Variants in MYCN observed in about 807,000 individuals in gnomAD.
MYCN encodes MYCN proto-oncogene, bHLH transcription factor.
In MYCN, 3 loss-of-function variants were observed where a neutral mutation model predicts 28.1. The observed-to-expected ratio is 0.11, with a 90% CI of 0.05 to 0.28. The LOEUF is 0.28. MYCN is among the 10% of genes least tolerant of loss of function. MYCN has a pLI of 1.00. For missense variants in MYCN, 572 were observed against 651.4 expected, an observed-to-expected ratio of 0.88 and a Z score of 1.33; for synonymous variants, 326 against 288.3, an observed-to-expected ratio of 1.13 and a Z score of -1.32.
rs986461561 is a variant in MYCN at position 15,941,357 on chromosome 2, G to C, written c.-117-591G>C. The C allele has an allele frequency of 2.6e-5, 4 of 152,650 alleles. No homozygotes were observed. Among genetic ancestry groups the C allele is most frequent in the African/African-American group, 7.2e-5 (3 of 41,486 alleles). 9.5% of individuals were successfully genotyped at this position (152,650 alleles called of 1,614,324 possible). Reference sequence around the variant, plus strand: ...AGTATCCCTGCAGCGGGTGAATGCCGAGGGGCGTTTGCTCAAATTTGGGGA... The same window carrying C: ...AGTATCCCTGCAGCGGGTGAATGCCCAGGGGCGTTTGCTCAAATTTGGGGA... On this transcript the variant is annotated intron_variant, in intron 1 of 2. Transcript: ENST00000281043. This position sits in a 1 kb window ranked among gnomAD's most constrained non-coding sequence, Gnocchi z 4.8.
In MYCN at chr2:15,942,875, C is replaced by A; in HGVS notation, c.790+21C>A. ...TTCAGGTAAAGACCGAACTCGGGTC[C>A]GGCTGCCTCCCTGGGGCACTGGACC... On this transcript the variant is annotated intron_variant, in intron 2 of 2. Transcript: ENST00000281043. This position sits in a 1 kb window ranked among gnomAD's most constrained non-coding sequence, Gnocchi z 7.0. 1 of 1,571,848 alleles carries A rather than the reference C, an allele frequency of 6.4e-7. No individual in the cohort carries two copies. The highest frequency in any genetic ancestry group is 8.6e-7 in the Non-Finnish European group (1 of 1,164,922).
At chr2:15,940,765 C>G (rs1662619960) in intron 1 of MYCN, 22 bp downstream of exon 1, 2 of 260,334 alleles carry the variant, frequency 7.7e-6, no homozygotes, top group East Asian at 6.3e-5. Flanking sequence ...GGCTTGCAAA[C>G]CGCCCGGCGC....
intron 2 of MYCN, among the ~76,000 whole-genome samples, chr2:15,944,308 G>A (rs1662800137): frequency 6.6e-6 from 1 of 152,154 alleles, no homozygotes; most frequent in Non-Finnish European, 1.5e-5. Flanking sequence ...CAGCGTGGTA[G>A]TCAATGAGGA....
rs1033331701 is a variant in MYCN at position 15,946,574 on chromosome 2, T to C, written c.*477T>C. 2 of 327,260 alleles carry C rather than the reference T, an allele frequency of 6.1e-6. No homozygotes were observed. Among genetic ancestry groups the C allele is most frequent in the Non-Finnish European group, 1.1e-5 (2 of 174,340 alleles). 20.3% of individuals were successfully genotyped at this position (327,260 alleles called of 1,614,324 possible). On this transcript the variant is annotated 3_prime_UTR_variant, in exon 3 of 3. Coordinates refer to ENST00000281043, the MANE Select transcript of MYCN (RefSeq NM_005378.6). ...GTGGCTTTTGCGGCCAGTATTAGAC[T>C]GGAAGTTCATACCTAAGTACTGTAA...
intron 2 of MYCN, among the ~76,000 whole-genome samples, chr2:15,943,679 C>G (rs1230401004): frequency 1.3e-5 from 2 of 152,174 alleles, no homozygotes; most frequent in African/African-American, 4.8e-5. Context: ...GCCTGAATTC[C>G]AGGCCTAATT....
Position 15,941,540 on chromosome 2 carries a change from G to A in MYCN, c.-117-408G>A. The A allele has an allele frequency of 5.1e-6, 1 of 196,334 alleles. No individual in the cohort carries two copies. Among genetic ancestry groups the A allele is most frequent in the South Asian group, 1.3e-4 (1 of 7,668 alleles). The allele number at this position is 196,334 out of a possible 1,614,324, so 12.2% of individuals were successfully genotyped here. On this transcript the variant is annotated intron_variant, in intron 1 of 2. Transcript: ENST00000281043. The surrounding 1 kb of genome is among the most constrained non-coding windows in gnomAD (Gnocchi z 4.8). ...GAAGGTACTCCAAATACCATTCCCG[G>A]TAGCTGGGTCGGAGAGCCTGGGGCT...
Position 15,942,960 on chromosome 2 carries a change from C to A in MYCN, c.790+106C>A. 1 of 1,393,698 alleles carries A rather than the reference C, an allele frequency of 7.2e-7. No homozygotes were observed. 86.3% of individuals were successfully genotyped at this position (1,393,698 alleles called of 1,614,324 possible). On this transcript the variant is annotated intron_variant, in intron 2 of 2. Transcript: ENST00000281043. This position sits in a 1 kb window ranked among gnomAD's most constrained non-coding sequence, Gnocchi z 7.0. ...CTTGGCCTGGGGAGCATTTTGGAGG[C>A]AGTGCTAGGGGCAGAGAGGTCCTGT... is the stretch of plus-strand genomic sequence containing the variant.
chr2:15,943,142 T>C (rs988326006), intron 2 of MYCN, among the ~76,000 whole-genome samples: 2 of 152,128 alleles, frequency 1.3e-5, no homozygotes, highest in African/African-American at 4.8e-5. Context: ...GTCCCCCACC[T>C]CTCTTTTGCA....
At chr2:15,943,004 C>T in intron 2 of MYCN, 150 bp downstream of exon 2, 1 of 1,055,950 alleles carries the variant, frequency 9.5e-7, no homozygotes, top group Non-Finnish European at 1.3e-6. Context: ...AGTCTCTCCT[C>T]GGGGTAAAGA....
chr2:15,943,251 G>T (rs1165156265), intron 2 of MYCN, among the ~76,000 whole-genome samples: 11 of 152,148 alleles, frequency 7.2e-5, no homozygotes. Context: ...ACCTGTTAGC[G>T]CAGGGGTGAA....
In MYCN at chr2:15,942,480, GGCC is replaced by G; in HGVS notation, c.420_422del (p.Pro141del). The G allele has an allele frequency of 6.4e-7, 1 of 1,562,524 alleles. No homozygotes were observed. Among genetic ancestry groups the G allele is most frequent in the Non-Finnish European group, 8.6e-7 (1 of 1,160,074 alleles). On this transcript the variant is annotated inframe_deletion, in exon 2 of 3. Transcript: ENST00000281043. The surrounding 1 kb of genome is among the most constrained non-coding windows in gnomAD (Gnocchi z 7.0). ...AGCGAGAAGCTGCAGCACGGCCGCG[GGCC>G]GCCAACCGCCGGTTCCACCGCCCAG...
Position 15,945,920 on chromosome 2 carries a change from C to T in MYCN, c.1218C>T (p.Asp406=). 6.2e-7 allele frequency: 1 copy of T among 1,614,134 alleles called. No individual in the cohort carries two copies. Among genetic ancestry groups the T allele is most frequent in the South Asian group, 1.1e-5 (1 of 91,080 alleles). ...DLRSSFLTLR[D]HVPELVKNEK... ...GGTCCAGCTTTCTCACGCTCAGGGACCACGTGCCGGAGTTGGTAAAGAATG... is the reference window on the plus strand; with the variant it reads ...GGTCCAGCTTTCTCACGCTCAGGGATCACGTGCCGGAGTTGGTAAAGAATG... Residue 406 remains aspartate (D), a synonymous_variant, in exon 3 of 3, where the codon GAC becomes GAT. Transcript: ENST00000281043. The surrounding 1 kb of genome is among the most constrained non-coding windows in gnomAD (Gnocchi z 4.8).
In MYCN at chr2:15,945,292, G is replaced by A. The variant is rs555381582; in HGVS notation, c.791-201G>A. Among the ~76,000 whole-genome samples, 6 of 152,164 alleles carry A rather than the reference G, an allele frequency of 3.9e-5. No individual in the cohort carries two copies. Among genetic ancestry groups the A allele is most frequent in the South Asian group, 2.1e-4 (1 of 4,804 alleles). On this transcript the variant is annotated intron_variant, in intron 2 of 2. Transcript: ENST00000281043. This position sits in a 1 kb window ranked among gnomAD's most constrained non-coding sequence, Gnocchi z 4.8. The stretch of plus-strand genomic sequence containing the variant: ...TGGGATTACAGGTGTGAGTCACCGC[G>A]TCCGGCCTACAGATATATTTAATTT...
Position 15,942,915 on chromosome 2 carries a change from C to T in MYCN, c.790+61C>T. On this transcript the variant is annotated intron_variant, in intron 2 of 2. Transcript: ENST00000281043. The surrounding 1 kb of genome is among the most constrained non-coding windows in gnomAD (Gnocchi z 7.0). ...GGCACTGGACCCCGGGTCGCGTCCC[C>T]TTTGTTAGTGCTCGTATGTCTTGGC... 3.3e-6 allele frequency: 5 copies of T among 1,525,326 alleles called. No homozygotes were observed. The South Asian group carries it at 4.8e-5, about 15-fold the overall frequency. 94.5% of individuals were successfully genotyped at this position (1,525,326 alleles called of 1,614,324 possible).
At position 15,942,726 on chromosome 2, in the gene MYCN, C is replaced by T. The variant is rs779590223; in HGVS notation, c.662C>T (p.Ser221Leu). 1.2e-5 allele frequency: 15 copies of T among 1,266,370 alleles called. No individual in the cohort carries two copies. In the South Asian group the frequency reaches 2.4e-4, roughly 20 times the overall value. The allele number at this position is 1,266,370 out of a possible 1,614,324, so 78.4% of individuals were successfully genotyped here. A position where few individuals can be genotyped will look rare whatever the true frequency, so the allele number is the denominator to read the frequency against. Residue 221 changes from serine to leucine, a missense_variant, in exon 2 of 3, where the codon TCG becomes TTG. Ser to Leu is a moderately radical substitution (Grantham distance 145). Coordinates refer to ENST00000281043, the MANE Select transcript of MYCN (RefSeq NM_005378.6). This position sits in a 1 kb window ranked among gnomAD's most constrained non-coding sequence, Gnocchi z 7.0. ...CCGGCGGCGGGCCCTGCGGTCGCCT[C>T]GGGGGCGGGTATTGCCGCCCCAGCC... is the stretch of plus-strand genomic sequence containing the variant. ...SAPAAGPAVA[S>L]GAGIAAPAGA...
chr2:15,943,051 TCTC>T (rs1558534599), intron 2 of MYCN, among the ~76,000 whole-genome samples, 197 bp downstream of exon 2: 1 of 152,162 alleles, frequency 6.6e-6, no homozygotes, highest in East Asian at 1.9e-4. Flanking sequence ...AAAGGGGTGC[TCTC>T]CAATTCTCGC....
rs772555630 is a variant in MYCN at position 15,942,196 on chromosome 2, C to A, written c.132C>A (p.Pro44=). ...ACTTCGGCGGCCCCGACTCGACCCC[C>A]CCGGGGGAGGACATCTGGAAGAAGT... ...DFYFGGPDST[P]PGEDIWKKFE... Residue 44 remains proline (P), a synonymous_variant, in exon 2 of 3, where the codon CCC becomes CCA. Transcript: ENST00000281043. The surrounding 1 kb of genome is among the most constrained non-coding windows in gnomAD (Gnocchi z 7.0). The A allele has an allele frequency of 1.9e-5, 31 of 1,613,558 alleles. 2 individuals carry two copies. The South Asian group carries it at 3.3e-4, about 17-fold the overall frequency.
In MYCN at chr2:15,942,781, A is replaced by C; in HGVS notation, c.717A>C (p.Pro239=). The change falls in exon 2 of 3, where the codon CCA becomes CCC. Residue 239 remains proline (P), a synonymous_variant. Coordinates refer to ENST00000281043, the MANE Select transcript of MYCN (RefSeq NM_005378.6). This position sits in a 1 kb window ranked among gnomAD's most constrained non-coding sequence, Gnocchi z 7.0. ...AGAPGVAPPR[P]GGRQTSGGDH... ...CCCCGGGGGTCGCCCCTCCGCGCCCAGGCGGCCGCCAGACCAGCGGCGGCG... is the reference window on the plus strand; with the variant it reads ...CCCCGGGGGTCGCCCCTCCGCGCCCCGGCGGCCGCCAGACCAGCGGCGGCG... 1.4e-6 allele frequency: 2 copies of C among 1,468,272 alleles called. No homozygotes were observed. Among genetic ancestry groups the C allele is most frequent in the Non-Finnish European group, 1.8e-6 (2 of 1,111,088 alleles). The allele number at this position is 1,468,272 out of a possible 1,614,324, so 91.0% of individuals were successfully genotyped here.
In MYCN at chr2:15,941,979, G is replaced by T. The variant is rs551036120; in HGVS notation, c.-86G>T. On this transcript the variant is annotated 5_prime_UTR_variant, in exon 2 of 3. Coordinates refer to ENST00000281043, the MANE Select transcript of MYCN (RefSeq NM_005378.6). This position sits in a 1 kb window ranked among gnomAD's most constrained non-coding sequence, Gnocchi z 4.8. ...AGGTCGGCGCCGGCCCCCGCCTTCC[G>T]CGCCCCCCACGGGAAGGAAGCACCC... is the stretch of plus-strand genomic sequence containing the variant. 1.4e-5 allele frequency: 22 copies of T among 1,549,370 alleles called. No homozygotes were observed. The Admixed American group carries it at 4.1e-4, about 29-fold the overall frequency.
Sources: allele counts gnomAD v4.1 joint callset (sites outside exome capture counted in the v4.1 genomes callset), GRCh38; gene constraint gnomAD v4.1.1; non-coding constraint Gnocchi (gnomAD v3.1); transcripts MANE v1.5; gene names NCBI Gene and HGNC (gene_info 2026-07-23, HGNC 2026-07-21).